PALM2AKAP2: variants seen among roughly 807,000 people sequenced by gnomAD.
PALM2AKAP2 encodes PALM2 and AKAP2 fusion.
In PALM2AKAP2, 37 loss-of-function variants were observed where a neutral mutation model predicts 71.5. The observed-to-expected ratio is 0.52, with a 90% CI of 0.40 to 0.68. PALM2AKAP2 has a LOEUF of 0.68. Among genes scored for constraint, PALM2AKAP2 ranks in the 30% least tolerant of loss-of-function variants. The probability of loss-of-function intolerance (pLI) is 0.00; values close to 1 mark genes in which losing one functional copy is unlikely to be tolerated. For missense variants in PALM2AKAP2, 1,224 were observed against 1,191.8 expected, an observed-to-expected ratio of 1.03 and a Z score of -0.40; for synonymous variants, 468 against 478.8, an observed-to-expected ratio of 0.98 and a Z score of 0.29.
At chr9:109,652,963 C>A (rs1377055030) in intron 1 of PALM2AKAP2, among the ~76,000 whole-genome samples, 1 of 152,174 alleles carries the variant, frequency 6.6e-6, no homozygotes, top group African/African-American at 2.4e-5. Flanking sequence ...TATTTCATAG[C>A]CCTTGAAATT....
chr9:109,787,708 G>A (rs1179541491), intron 1 of PALM2AKAP2, among the ~76,000 whole-genome samples: 1 of 152,140 alleles, frequency 6.6e-6, no homozygotes, highest in Non-Finnish European at 1.5e-5. Flanking sequence ...TTCAAGAGAA[G>A]CCAGAAATCT....
intron 2 of PALM2AKAP2, among the ~76,000 whole-genome samples, chr9:109,878,816 C>T (rs1829776064): frequency 6.6e-6 from 1 of 152,210 alleles, no homozygotes; most frequent in Admixed American, 6.5e-5. Flanking sequence ...CAGCCCACTG[C>T]AACCTCTGCC....
chr9:109,886,123 GA>G (rs747969420), intron 3 of PALM2AKAP2, among the ~76,000 whole-genome samples: 4 of 151,984 alleles, frequency 2.6e-5, no homozygotes, highest in Non-Finnish European at 4.4e-5. Flanking sequence ...TTCCTTTTTT[GA>G]ATTTTTTGAA....
chr9:109,910,514 G>A (rs1435624297), intron 3 of PALM2AKAP2, among the ~76,000 whole-genome samples: 2 of 152,234 alleles, frequency 1.3e-5, no homozygotes, highest in African/African-American at 4.8e-5. Flanking sequence ...GGTAGAGTAG[G>A]AGAAGAGGTG....
At chr9:110,072,094 A>G (rs1253508493) in intron 1 of PALM2AKAP2, among the ~76,000 whole-genome samples, 1 of 152,176 alleles carries the variant, frequency 6.6e-6, no homozygotes, top group African/African-American at 2.4e-5. Context: ...CCCTAAACCT[A>G]TTGGTAAAAT....
At chr9:109,642,520 C>A (rs1827085556) in intron 1 of PALM2AKAP2, among the ~76,000 whole-genome samples, 1 of 148,150 alleles carries the variant, frequency 6.7e-6, no homozygotes, top group African/African-American at 2.5e-5. Context: ...CAACCTAATA[C>A]TACAGTCTAC....
intron 1 of PALM2AKAP2, among the ~76,000 whole-genome samples, chr9:109,780,772 C>T (rs1829431329): frequency 6.6e-6 from 1 of 152,114 alleles, no homozygotes; most frequent in African/African-American, 2.4e-5. Flanking sequence ...AAAAAAGATG[C>T]TTGCTGCTGG....
chr9:109,741,886 T>G (rs1828720058), intron 1 of PALM2AKAP2, among the ~76,000 whole-genome samples: 1 of 152,222 alleles, frequency 6.6e-6, no homozygotes, highest in Non-Finnish European at 1.5e-5. Flanking sequence ...AGAAGGAGTT[T>G]GCTTTTATTC....
intron 3 of PALM2AKAP2, among the ~76,000 whole-genome samples, chr9:110,157,880 A>G (rs181900339): frequency 3.0e-4 from 45 of 152,364 alleles, no homozygotes; most frequent in Non-Finnish European, 1.3e-4. Flanking sequence ...CTTTCAAAAT[A>G]TATGGCGGTA....
chr9:110,055,081 G>C (rs904634675), intron 1 of PALM2AKAP2, among the ~76,000 whole-genome samples: 2 of 151,870 alleles, frequency 1.3e-5, no homozygotes, highest in African/African-American at 2.4e-5. Flanking sequence ...TTCATTAGTT[G>C]ATCCTTCTTT....
exon 2 of PALM2AKAP2, chr9:110,137,945 G>A (rs113341282): frequency 2.5e-6 from 4 of 1,614,172 alleles, no homozygotes; most frequent in Non-Finnish European, 2.5e-6. Flanking sequence ...GGAGTATCAG[G>A]CTGGCCTCCT....
intron 1 of PALM2AKAP2, among the ~76,000 whole-genome samples, chr9:110,051,906 CTTTTTT>C (rs35443425): frequency 7.0e-6 from 1 of 143,374 alleles, no homozygotes; most frequent in East Asian, 2.0e-4. Context: ...AAATTGCACC[CTTTTTT>C]TTTTTTTTGA....
At chr9:109,917,401 C>T (rs760020035) in intron 3 of PALM2AKAP2, among the ~76,000 whole-genome samples, 21 of 151,388 alleles carry the variant, frequency 1.4e-4, no homozygotes, top group Non-Finnish European at 2.4e-4. Flanking sequence ...GAATTGGAAA[C>T]GAATGCGTCT....
intron 6 of PALM2AKAP2, among the ~76,000 whole-genome samples, chr9:110,014,751 C>T (rs1034091736): frequency 8.0e-4 from 95 of 118,864 alleles, no homozygotes; most frequent in African/African-American, 1.9e-3. Context: ...CCAGCCTGGG[C>T]GACAGAGCGA....
At chr9:109,935,523 A>G (rs1831199886) in intron 6 of PALM2AKAP2, among the ~76,000 whole-genome samples, 1 of 152,196 alleles carries the variant, frequency 6.6e-6, no homozygotes, top group African/African-American at 2.4e-5. Context: ...TTCAAATGCA[A>G]TTTGCCTATT....
chr9:110,019,982 C>G (rs1209516633), intron 7 of PALM2AKAP2, among the ~76,000 whole-genome samples: 1 of 152,054 alleles, frequency 6.6e-6, no homozygotes, highest in East Asian at 1.9e-4. Flanking sequence ...TTTTTTTTCT[C>G]TCTGTATATA....
intron 6 of PALM2AKAP2, among the ~76,000 whole-genome samples, chr9:110,009,755 AG>A (rs1832846910): frequency 6.6e-6 from 1 of 150,422 alleles, no homozygotes; most frequent in Non-Finnish European, 1.5e-5. Flanking sequence ...TTTTGTCTAC[AG>A]GGTACTCTAC....
intron 6 of PALM2AKAP2, among the ~76,000 whole-genome samples, chr9:110,009,477 G>A (rs147326399): frequency 0.01 from 1,553 of 152,184 alleles, 26 homozygotes; most frequent in African/African-American, 0.036. Flanking sequence ...CACTTTGGGA[G>A]GCCGAGGCGG....
At chr9:110,111,070 C>G (rs1457474513) in intron 1 of PALM2AKAP2, among the ~76,000 whole-genome samples, 3 of 123,164 alleles carry the variant, frequency 2.4e-5, no homozygotes, top group Non-Finnish European at 5.3e-5. Context: ...TTCCTTTTTT[C>G]TTTTCTTTCT....
Sources: gnomAD v4.1 joint callset for allele counts (sites outside exome capture counted in the v4.1 genomes callset) on GRCh38, gnomAD v4.1.1 for gene constraint, MANE v1.5 for transcripts, NCBI Gene and HGNC (gene_info 2026-07-23, HGNC 2026-07-21) for gene names.